The following PARD3B variants were observed in gnomAD, a reference collection of about 807,000 sequenced individuals.
PARD3B encodes partitioning defective 3 homolog B.
A neutral mutation model predicts 130.2 loss-of-function variants in PARD3B; 103 were observed. The observed-to-expected ratio is 0.79, with a 90% CI of 0.67 to 0.93. The LOEUF is 0.93. PARD3B is among the 40% of genes least tolerant of loss of function. The probability of loss-of-function intolerance (pLI) is 0.00; values close to 1 mark genes in which losing one functional copy is unlikely to be tolerated. For synonymous variants in PARD3B, 583 were observed against 553.2 expected (o/e 1.05, Z -0.76); for missense variants, 1,609 against 1,499.2 (o/e 1.07, Z -1.21).
At chr2:204,621,988 A>G (rs751957958) in intron 1 of PARD3B, among the ~76,000 whole-genome samples, 7 of 152,164 alleles carry the variant, frequency 4.6e-5, no homozygotes, top group African/African-American at 7.2e-5. Flanking sequence ...CAACTCTGAC[A>G]TAGGTCTAGT....
In PARD3B at chr2:205,163,596, C is replaced by T. The variant is rs143312056; in HGVS notation, c.1620+4689C>T. On this transcript the variant is annotated intron_variant, in intron 11 of 22. Transcript: ENST00000406610. ...ATCATGATATTTTTAAATGACTAAACTCTAAATTTTTGGAGAGAAAATGCA... is the reference window on the plus strand; with the variant it reads ...ATCATGATATTTTTAAATGACTAAATTCTAAATTTTTGGAGAGAAAATGCA... 2.2e-3 allele frequency among the ~76,000 whole-genome samples: 333 copies of T among 152,278 alleles called. 7 individuals are homozygous for T. The East Asian group carries it at 0.031, about 14-fold the overall frequency.
At position 204,864,089 on chromosome 2, in the gene PARD3B, A is replaced by G. The variant is rs547294752; in HGVS notation, c.223-101063A>G. 3.9e-5 allele frequency among the ~76,000 whole-genome samples: 6 copies of G among 152,058 alleles called. No individual in the cohort carries two copies. The East Asian group carries it at 1.2e-3, about 29-fold the overall frequency. On this transcript the variant is annotated intron_variant, in intron 2 of 22. Coordinates refer to ENST00000406610, the MANE Select transcript of PARD3B (RefSeq NM_001302769.2). ...GGGGAGATTGTTTGATTGCCAATAG[A>G]CTGTTTCCTATTCTATCTTTATACT... is the stretch of plus-strand genomic sequence containing the variant.
intron 2 of PARD3B, among the ~76,000 whole-genome samples, chr2:204,792,764 T>C (rs1428956022): frequency 6.6e-6 from 1 of 152,204 alleles, no homozygotes; most frequent in Non-Finnish European, 1.5e-5. Flanking sequence ...GGTCAGTGGT[T>C]TCTAATGCAG....
intron 15 of PARD3B, among the ~76,000 whole-genome samples, chr2:205,201,423 A>G (rs1451373933): frequency 4.6e-5 from 7 of 152,248 alleles, no homozygotes; most frequent in African/African-American, 1.4e-4. Flanking sequence ...AAGACTGAAA[A>G]GAGAAGCAGA....
intron 1 of PARD3B, among the ~76,000 whole-genome samples, chr2:204,615,400 A>G (rs1375344385): frequency 6.6e-6 from 1 of 152,212 alleles, no homozygotes; most frequent in Non-Finnish European, 1.5e-5. Flanking sequence ...GTTATAACAC[A>G]CATTGGTCAT....
At chr2:204,620,832 C>G (rs1409444050) in intron 1 of PARD3B, among the ~76,000 whole-genome samples, 1 of 152,086 alleles carries the variant, frequency 6.6e-6, no homozygotes, top group Admixed American at 6.6e-5. Context: ...TCTGAGAGTG[C>G]TAGGGGAATG....
chr2:205,075,308 G>A (rs1255504809), intron 4 of PARD3B, among the ~76,000 whole-genome samples: 1 of 151,938 alleles, frequency 6.6e-6, no homozygotes, highest in Non-Finnish European at 1.5e-5. Context: ...TAGAAGTTTT[G>A]TACTAGTAAA....
intron 3 of PARD3B, among the ~76,000 whole-genome samples, chr2:205,002,899 C>T (rs999238823): frequency 6.6e-6 from 1 of 152,208 alleles, no homozygotes; most frequent in Non-Finnish European, 1.5e-5. Context: ...GGGTAATGCA[C>T]TCCTCCCATG....
chr2:205,196,939 T>C (rs937469251), intron 15 of PARD3B, among the ~76,000 whole-genome samples: 1 of 151,990 alleles, frequency 6.6e-6, no homozygotes, highest in Non-Finnish European at 1.5e-5. Context: ...ACTTTGGCTC[T>C]TCATATGTAC....
In PARD3B at chr2:205,473,860, C is replaced by T. The variant is rs528805078; in HGVS notation, c.3045-26036C>T. Among the ~76,000 whole-genome samples, 1 of 150,794 alleles carries T rather than the reference C, an allele frequency of 6.6e-6. No individual in the cohort carries two copies. The highest frequency in any genetic ancestry group is 1.9e-4 in the East Asian group (1 of 5,150). On this transcript the variant is annotated intron_variant, in intron 20 of 22. Coordinates refer to ENST00000406610, the MANE Select transcript of PARD3B (RefSeq NM_001302769.2). The surrounding 1 kb of genome is among the most constrained non-coding windows in gnomAD (Gnocchi z 4.9). ...TTTGTTACGTTTAAATGAACTTCAC[C>T]CTGAGCTACCAAATTATACTTTTGC... is the stretch of plus-strand genomic sequence containing the variant.
intron 22 of PARD3B, among the ~76,000 whole-genome samples, chr2:205,579,182 G>A (rs1370309872): frequency 3.3e-5 from 5 of 152,244 alleles, no homozygotes; most frequent in African/African-American, 9.6e-5. Flanking sequence ...AAATGAGAAC[G>A]GTTGAGCATC....
chr2:204,829,338 G>A (rs974323859), intron 2 of PARD3B, among the ~76,000 whole-genome samples: 1 of 152,188 alleles, frequency 6.6e-6, no homozygotes, highest in African/African-American at 2.4e-5. Context: ...TGAGAAGACT[G>A]AGTCCTAGCA....
chr2:204,627,198 A>C (rs2034516186), intron 1 of PARD3B, among the ~76,000 whole-genome samples: 1 of 152,136 alleles, frequency 6.6e-6, no homozygotes. Context: ...TCAGTCAATT[A>C]AACCTCTTTC....
At chr2:204,946,625 T>C (rs1689344763) in intron 2 of PARD3B, among the ~76,000 whole-genome samples, 1 of 152,190 alleles carries the variant, frequency 6.6e-6, no homozygotes, top group African/African-American at 2.4e-5. Context: ...AAAGAGGATG[T>C]ACTGTCAGGG....
chr2:205,554,964 C>T (rs1345086616), intron 22 of PARD3B, among the ~76,000 whole-genome samples: 1 of 149,952 alleles, frequency 6.7e-6, no homozygotes, highest in Non-Finnish European at 1.5e-5. Context: ...ACCATTCCCC[C>T]AAGGAATGGG....
chr2:204,975,361 C>T (rs1238193679), intron 3 of PARD3B, among the ~76,000 whole-genome samples: 1 of 152,148 alleles, frequency 6.6e-6, no homozygotes, highest in Non-Finnish European at 1.5e-5. Context: ...TCCATGACTA[C>T]CAACAATGTC....
chr2:205,551,601 C>G (rs1207558481), intron 21 of PARD3B, among the ~76,000 whole-genome samples: 1 of 152,132 alleles, frequency 6.6e-6, no homozygotes, highest in East Asian at 1.9e-4. Context: ...ATAGGACACA[C>G]TCTAAAGGTC....
chr2:205,095,515 A>C (rs1702343601), intron 4 of PARD3B, among the ~76,000 whole-genome samples: 1 of 152,136 alleles, frequency 6.6e-6, no homozygotes, highest in South Asian at 2.1e-4. Context: ...CACTGGTGTT[A>C]GCCTTATGTT....
intron 1 of PARD3B, among the ~76,000 whole-genome samples, chr2:204,685,038 C>T (rs997643820): frequency 6.6e-6 from 1 of 151,918 alleles, no homozygotes; most frequent in African/African-American, 2.4e-5. Context: ...AATAGTATGC[C>T]CTTACTGTTT....
Sources: gnomAD v4.1 joint callset for allele counts (sites outside exome capture counted in the v4.1 genomes callset) on GRCh38, gnomAD v4.1.1 for gene constraint, Gnocchi (gnomAD v3.1) non-coding constraint, MANE v1.5 for transcripts, NCBI Gene and HGNC (gene_info 2026-07-23, HGNC 2026-07-21) for gene names.